The following HSD17B4 variants were observed in gnomAD, a reference collection of about 807,000 sequenced individuals.
The protein encoded by HSD17B4 is peroxisomal multifunctional enzyme type 2.
In HSD17B4, 70 loss-of-function variants were observed where a neutral mutation model predicts 101.0. The observed-to-expected ratio is 0.69, with a 90% CI of 0.57 to 0.85. The LOEUF (loss-of-function observed/expected upper bound fraction) is 0.85, where lower values mean the gene tolerates loss of function less well. Ranked by LOEUF, HSD17B4 falls within the 40% of genes least tolerant of loss-of-function variation. The probability of loss-of-function intolerance (pLI) is 0.00; values close to 1 mark genes in which losing one functional copy is unlikely to be tolerated. For missense variants in HSD17B4, 984 were observed against 892.4 expected, an observed-to-expected ratio of 1.10 and a Z score of -1.31; for synonymous variants, 347 against 297.1, an observed-to-expected ratio of 1.17 and a Z score of -1.73.
chr5:119,539,097 C>A (rs929425985), intron 23 of HSD17B4, among the ~76,000 whole-genome samples: 35 of 152,052 alleles, frequency 2.3e-4, no homozygotes, highest in African/African-American at 7.5e-4. Context: ...AGTATATTTC[C>A]ATAAATCGAG....
chr5:119,504,249 CAT>C (rs140372544), intron 14 of HSD17B4, among the ~76,000 whole-genome samples: 3,122 of 152,152 alleles, frequency 0.021, 92 homozygotes, highest in African/African-American at 0.071. Flanking sequence ...CATATGAGTG[CAT>C]ATGTCTTTTT....
At chr5:119,471,749 G>A in intron 2 of HSD17B4, 2 of 946,572 alleles carry the variant, frequency 2.1e-6, no homozygotes, top group South Asian at 1.7e-5. Context: ...ATTTATCTAT[G>A]TATCTTTTTA....
chr5:119,470,506 T>C (rs1305804030), intron 2 of HSD17B4, among the ~76,000 whole-genome samples: 1 of 152,220 alleles, frequency 6.6e-6, no homozygotes, highest in Non-Finnish European at 1.5e-5. Flanking sequence ...GTTCCTATAC[T>C]GAGCTCAGGG....
chr5:119,493,404 A>G (rs1036963340), intron 10 of HSD17B4: 1 of 183,654 alleles, frequency 5.4e-6, no homozygotes, highest in Non-Finnish European at 1.1e-5. Context: ...ATTATTTACT[A>G]TTAGTCTTCA....
At chr5:119,489,345 C>T in intron 9 of HSD17B4, 62 bp downstream of exon 9, 1 of 1,028,712 alleles carries the variant, frequency 9.7e-7, no homozygotes, top group Non-Finnish European at 1.5e-6. Context: ...TTGTAAAAAT[C>T]TGTACCAGTG....
chr5:119,530,189 C>T (rs1753944945), intron 21 of HSD17B4: 1 of 542,528 alleles, frequency 1.8e-6, no homozygotes, highest in Non-Finnish European at 3.3e-6. Flanking sequence ...TTGCAGGATA[C>T]TAGGATATCT....
At position 119,525,252 on chromosome 5, in the gene HSD17B4, T is replaced by A. The variant is rs1157834864; in HGVS notation, c.1540T>A (p.Leu514Ile). The part of the protein sequence containing the change: ...LYRLSGDWNP[L>I]HIDPNFASLA... ...CCGCCTCAGTGGAGACTGGAATCCC[T>A]TACACATTGATCCTAACTTTGCTAG... Residue 514 changes from leucine (L) to isoleucine (I), a missense_variant, in exon 18 of 24, where the codon TTA becomes ATA. Coordinates refer to ENST00000510025, the MANE Select transcript of HSD17B4 (RefSeq NM_000414.4). 1 of 1,612,104 alleles carries A rather than the reference T, an allele frequency of 6.2e-7. No homozygotes were observed. Among genetic ancestry groups the A allele is most frequent in the Non-Finnish European group, 8.5e-7 (1 of 1,178,410 alleles).
At chr5:119,523,069 T>C (rs995194813) in intron 17 of HSD17B4, among the ~76,000 whole-genome samples, 1 of 152,162 alleles carries the variant, frequency 6.6e-6, no homozygotes, top group African/African-American at 2.4e-5. Flanking sequence ...AACTCTGCAG[T>C]GTTCTCTGTC....
chr5:119,527,717 A>G lies in HSD17B4; in HGVS notation c.1767+498A>G, dbSNP rs538999768. 1.6e-3 allele frequency among the ~76,000 whole-genome samples: 250 copies of G among 152,282 alleles called. 6 individuals are homozygous for G. In the South Asian group the frequency reaches 0.049, roughly 30 times the overall value. On this transcript the variant is annotated intron_variant, in intron 20 of 23. Transcript: ENST00000510025. Reference sequence around the variant, plus strand: ...CCAATAGGAAAGTTATTCTAAAATAATTTTGCAGAGTTAGAGACAAAATTA... The same window carrying G: ...CCAATAGGAAAGTTATTCTAAAATAGTTTTGCAGAGTTAGAGACAAAATTA...
chr5:119,464,005 T>A (rs1327432658), intron 2 of HSD17B4, among the ~76,000 whole-genome samples: 1 of 152,166 alleles, frequency 6.6e-6, no homozygotes, highest in Non-Finnish European at 1.5e-5. Context: ...TTTGCCATTT[T>A]AAAAATATAC....
intron 2 of HSD17B4, among the ~76,000 whole-genome samples, chr5:119,458,218 A>T (rs1008866970): frequency 1.3e-5 from 2 of 152,204 alleles, no homozygotes; most frequent in Non-Finnish European, 2.9e-5. Context: ...GGAGAATTCA[A>T]TCCATGTGGA....
At chr5:119,484,202 T>C (rs528234865) in intron 8 of HSD17B4, among the ~76,000 whole-genome samples, 1 of 152,114 alleles carries the variant, frequency 6.6e-6, no homozygotes, top group Non-Finnish European at 1.5e-5. Flanking sequence ...ACTGAGACCC[T>C]CCCTTAAAAA....
chr5:119,510,056 A>G (rs1016848822), intron 16 of HSD17B4, among the ~76,000 whole-genome samples: 2 of 152,218 alleles, frequency 1.3e-5, no homozygotes, highest in African/African-American at 4.8e-5. Context: ...TTATATTACC[A>G]TATATGTAAT....
At chr5:119,476,037 C>G (rs1048676486) in intron 6 of HSD17B4, among the ~76,000 whole-genome samples, 167 bp downstream of exon 6, 1 of 152,114 alleles carries the variant, frequency 6.6e-6, no homozygotes, top group African/African-American at 2.4e-5. Context: ...TAGAAGTAGC[C>G]TCTTTTAGAA....
chr5:119,499,572 C>T lies in HSD17B4; in HGVS notation c.1209+19C>T, dbSNP rs1301668268. On this transcript the variant is annotated intron_variant, in intron 13 of 23. Coordinates refer to ENST00000510025, the MANE Select transcript of HSD17B4 (RefSeq NM_000414.4). ...TGCAAAGGTATGCCTAATAAAAAAC[C>T]TTTATTTTGCTTTTCTATTTCTGTA... 4 of 1,378,994 alleles carry T rather than the reference C, an allele frequency of 2.9e-6. No homozygotes were observed. The highest frequency in any genetic ancestry group is 1.2e-5 in the South Asian group (1 of 86,230). The allele number at this position is 1,378,994 out of a possible 1,614,324, so 85.4% of individuals were successfully genotyped here. A position where few individuals can be genotyped will look rare whatever the true frequency, so the allele number is the denominator to read the frequency against.
At position 119,527,159 on chromosome 5, in the gene HSD17B4, A is replaced by T; in HGVS notation, c.1707A>T (p.Pro569=). ...CTCGTTTTGCAAAACCAGTATATCC[A>T]GGACAAACTCTACAAACTGAGATGT... The part of the protein sequence containing the change: ...IKARFAKPVY[P]GQTLQTEMWK... The change falls in exon 20 of 24, where the codon CCA becomes CCT. Residue 569 remains proline, a synonymous_variant. Coordinates refer to ENST00000510025, the MANE Select transcript of HSD17B4 (RefSeq NM_000414.4). 6.2e-7 allele frequency: 1 copy of T among 1,606,824 alleles called. No individual in the cohort carries two copies. Among genetic ancestry groups the T allele is most frequent in the South Asian group, 1.1e-5 (1 of 90,942 alleles).
intron 2 of HSD17B4, among the ~76,000 whole-genome samples, chr5:119,472,041 G>A (rs1466425190): frequency 6.6e-6 from 1 of 152,102 alleles, no homozygotes; most frequent in African/African-American, 2.4e-5. Flanking sequence ...GATGTTTTAT[G>A]GTAAGTGTCA....
chr5:119,514,141 T>C lies in HSD17B4; in HGVS notation c.1438-840T>C, dbSNP rs529938533. Among the ~76,000 whole-genome samples, 11 of 152,302 alleles carry C rather than the reference T, an allele frequency of 7.2e-5. No homozygotes were observed. In the South Asian group the frequency reaches 2.3e-3, roughly 32 times the overall value. On this transcript the variant is annotated intron_variant, in intron 16 of 23. Coordinates refer to ENST00000510025, the MANE Select transcript of HSD17B4 (RefSeq NM_000414.4). ...AAACAAAGGAGTGTAATTGATGCAA[T>C]GATTTTTGAAAAACGGCAGCCTGAC...
At chr5:119,525,364 T>G (rs1753489974) in intron 18 of HSD17B4, 79 bp downstream of exon 18, 1 of 861,244 alleles carries the variant, frequency 1.2e-6, no homozygotes, top group Non-Finnish European at 2.0e-6. Context: ...ACACTACTAC[T>G]TATGACTGGT....
Sources: gnomAD v4.1 joint callset for allele counts (sites outside exome capture counted in the v4.1 genomes callset) on GRCh38, gnomAD v4.1.1 for gene constraint, MANE v1.5 for transcripts, NCBI Gene and HGNC (gene_info 2026-07-23, HGNC 2026-07-21) for gene names.